Variants in GPC6 observed in about 807,000 individuals in gnomAD.
GPC6 encodes the protein glypican-6.
A neutral mutation model predicts 55.2 loss-of-function variants in GPC6; 14 were observed. The ratio of observed to expected loss-of-function variants is 0.25; its 90% confidence interval spans 0.17 to 0.40. GPC6 has a LOEUF of 0.40. Ranked by LOEUF, GPC6 falls within the 10% of genes least tolerant of loss-of-function variation. The probability of loss-of-function intolerance (pLI) is 1.00; values close to 1 mark genes in which losing one functional copy is unlikely to be tolerated. For synonymous variants in GPC6, 278 were observed against 259.6 expected (o/e 1.07, Z -0.68); for missense variants, 641 against 708.5 (o/e 0.90, Z 1.08).
intron 3 of GPC6, among the ~76,000 whole-genome samples, chr13:93,898,940 A>AATATATATATATATATATATAT (rs66531953): frequency 9.5e-5 from 13 of 136,650 alleles, no homozygotes; most frequent in Admixed American, 3.0e-4. Context: ...ATTATATATA[A>AATATATATATATATATATATAT]ATATATATAT....
chr13:94,338,998 A>C (rs1877877407), intron 6 of GPC6, among the ~76,000 whole-genome samples: 1 of 152,038 alleles, frequency 6.6e-6, no homozygotes, highest in African/African-American at 2.4e-5. Flanking sequence ...AGCTGGGTAA[A>C]CCCTGAATCA....
At chr13:93,962,723 CCAAGAAATACTATAAAGTGGCTT>C (rs1334898009) in intron 3 of GPC6, among the ~76,000 whole-genome samples, 2 of 151,980 alleles carry the variant, frequency 1.3e-5, no homozygotes, top group East Asian at 1.9e-4. Context: ...TTCTGTCACC[CCAAGAAATACTATAAAGTGGCTT>C]CAATGTATTA....
chr13:93,610,694 A>G (rs892438566), intron 2 of GPC6, among the ~76,000 whole-genome samples: 7 of 152,182 alleles, frequency 4.6e-5, no homozygotes, highest in African/African-American at 1.4e-4. Flanking sequence ...TTTTATATAC[A>G]TATGTACCTA....
chr13:94,009,987 T>G (rs1351145703), intron 3 of GPC6, among the ~76,000 whole-genome samples: 2 of 152,168 alleles, frequency 1.3e-5, no homozygotes, highest in African/African-American at 4.8e-5. Flanking sequence ...GCTCTATAGA[T>G]TATAGTCTCC....
At chr13:93,335,292 T>C (rs1245735086) in intron 1 of GPC6, among the ~76,000 whole-genome samples, 2 of 152,254 alleles carry the variant, frequency 1.3e-5, no homozygotes, top group Admixed American at 6.5e-5. Context: ...CTATATATAA[T>C]TCTCTAGTTT....
chr13:93,641,916 GTCA>G (rs1879962493), intron 2 of GPC6, among the ~76,000 whole-genome samples: 1 of 151,996 alleles, frequency 6.6e-6, no homozygotes, highest in African/African-American at 2.4e-5. Context: ...ATGATGGTAT[GTCA>G]TCATAGTTAT....
At chr13:93,990,825 T>A (rs1001191059) in intron 3 of GPC6, among the ~76,000 whole-genome samples, 24 of 150,250 alleles carry the variant, frequency 1.6e-4, no homozygotes, top group Admixed American at 1.0e-3. Context: ...ATCATGCCAC[T>A]GCATTCCAGC....
At chr13:93,408,573 G>T (rs1302639936) in intron 1 of GPC6, among the ~76,000 whole-genome samples, 10 of 152,170 alleles carry the variant, frequency 6.6e-5, no homozygotes, top group Non-Finnish European at 5.9e-5. Context: ...CAACAGGGAA[G>T]AACCAGTGGT....
chr13:94,067,466 CTCTG>C (rs1189711521), intron 4 of GPC6, among the ~76,000 whole-genome samples: 7 of 147,046 alleles, frequency 4.8e-5, no homozygotes, highest in African/African-American at 1.0e-4. Flanking sequence ...ATAGGCCTCT[CTCTG>C]TCTGTCTGTC....
At chr13:94,123,339 A>G (rs935444604) in intron 4 of GPC6, among the ~76,000 whole-genome samples, 7 of 152,082 alleles carry the variant, frequency 4.6e-5, no homozygotes, top group African/African-American at 1.4e-4. Flanking sequence ...TAAGAAACCA[A>G]AACACTTTGT....
intron 2 of GPC6, among the ~76,000 whole-genome samples, chr13:93,749,793 T>C (rs934297907): frequency 6.6e-6 from 1 of 152,122 alleles, no homozygotes; most frequent in Admixed American, 6.6e-5. Flanking sequence ...TCAGCCTTAC[T>C]TGTGACGAAA....
intron 1 of GPC6, among the ~76,000 whole-genome samples, chr13:93,519,961 A>G (rs772198617): frequency 6.6e-6 from 1 of 151,972 alleles, no homozygotes. Flanking sequence ...AAACAGTGTA[A>G]CTATTCTCTG....
chr13:94,353,657 A>C (rs1303215011), intron 6 of GPC6, among the ~76,000 whole-genome samples: 2 of 152,216 alleles, frequency 1.3e-5, no homozygotes, highest in Non-Finnish European at 2.9e-5. Flanking sequence ...TTACCCCTTC[A>C]AATTGGAATA....
chr13:93,925,297 G>C (rs1877799318), intron 3 of GPC6, among the ~76,000 whole-genome samples: 1 of 152,076 alleles, frequency 6.6e-6, no homozygotes, highest in Non-Finnish European at 1.5e-5. Context: ...TAATCCTAGT[G>C]TAGAGAAATG....
chr13:93,912,661 T>A (rs374639682), intron 3 of GPC6, among the ~76,000 whole-genome samples: 3 of 152,256 alleles, frequency 2.0e-5, no homozygotes, highest in East Asian at 3.9e-4. Flanking sequence ...GAGAATGGCG[T>A]GAACCCAGGA....
chr13:93,727,411 T>C (rs1933779), intron 2 of GPC6, among the ~76,000 whole-genome samples: 73,024 of 151,972 alleles, frequency 0.48, 19,393 homozygotes, highest in Middle Eastern at 0.73. Context: ...CCCCACCCCA[T>C]TTGCCCTATC....
At chr13:93,726,150 A>G (rs1022176575) in intron 2 of GPC6, among the ~76,000 whole-genome samples, 1 of 147,534 alleles carries the variant, frequency 6.8e-6, no homozygotes, top group Non-Finnish European at 1.5e-5. Flanking sequence ...ACACACACAC[A>G]CATATCAAGC....
chr13:93,666,837 A>G (rs1283059441), intron 2 of GPC6, among the ~76,000 whole-genome samples: 1 of 152,186 alleles, frequency 6.6e-6, no homozygotes, highest in African/African-American at 2.4e-5. Context: ...GTGCCAGCAC[A>G]TTATGGTTTA....
chr13:93,492,500 G>T (rs1385219935), intron 1 of GPC6, among the ~76,000 whole-genome samples: 1 of 150,728 alleles, frequency 6.6e-6, no homozygotes, highest in African/African-American at 2.4e-5. Context: ...TTTCCCTATT[G>T]AATACCCTTT....
Sources: gnomAD v4.1 joint callset for allele counts (sites outside exome capture counted in the v4.1 genomes callset) on GRCh38, gnomAD v4.1.1 for gene constraint, MANE v1.5 for transcripts, NCBI Gene and HGNC (gene_info 2026-07-23, HGNC 2026-07-21) for gene names.